The following RPTOR variants were observed in gnomAD, a reference collection of about 807,000 sequenced individuals.
RPTOR encodes the protein regulatory associated protein of MTOR complex 1, also known as regulatory-associated protein of mTOR.
RPTOR carries 21 observed loss-of-function variants against 169.9 expected under a neutral mutation model. That is an observed-to-expected ratio of 0.12 (90% CI 0.09 to 0.18). The LOEUF (loss-of-function observed/expected upper bound fraction) is 0.18, where lower values mean the gene tolerates loss of function less well. Ranked by LOEUF, RPTOR falls within the 10% of genes least tolerant of loss-of-function variation. The pLI is 1.00. For synonymous variants in RPTOR, 732 were observed against 753.2 expected (o/e 0.97, Z 0.46); for missense variants, 1,133 against 1,855.9 (o/e 0.61, Z 7.16).
intron 10 of RPTOR, among the ~76,000 whole-genome samples, chr17:80,842,333 A>ATTT (rs34731564): frequency 8.9e-4 from 134 of 150,040 alleles, no homozygotes; most frequent in African/African-American, 3.1e-3. Context: ...TTGATTACTG[A>ATTT]TTTTTTTTTT....
At chr17:80,740,460 G>A (rs751473538) in intron 5 of RPTOR, among the ~76,000 whole-genome samples, 8 of 151,846 alleles carry the variant, frequency 5.3e-5, no homozygotes, top group East Asian at 3.8e-4. Flanking sequence ...CAGACACACC[G>A]TTCAAAAAAA....
At chr17:80,791,174 C>G (rs992173944) in intron 6 of RPTOR, among the ~76,000 whole-genome samples, 2 of 152,192 alleles carry the variant, frequency 1.3e-5, no homozygotes, top group African/African-American at 4.8e-5. Flanking sequence ...TCTCGGCGCT[C>G]CTCTCCAGGG....
At chr17:80,585,494 G>A (rs1401262911) in intron 1 of RPTOR, among the ~76,000 whole-genome samples, 3 of 150,498 alleles carry the variant, frequency 2.0e-5, no homozygotes, top group Non-Finnish European at 3.0e-5. Flanking sequence ...GTGAGCCACC[G>A]CGGCTGGCCG....
chr17:80,650,940 C>T (rs1480990433), intron 3 of RPTOR, among the ~76,000 whole-genome samples: 1 of 152,226 alleles, frequency 6.6e-6, no homozygotes, highest in Non-Finnish European at 1.5e-5. Context: ...TTAACTCTGT[C>T]CTTAACAGGC....
chr17:80,626,715 A>T (rs1599612624), intron 2 of RPTOR, among the ~76,000 whole-genome samples: 1 of 141,870 alleles, frequency 7.0e-6, no homozygotes. Context: ...AAGTCCAGAG[A>T]CTGTTTTTTT....
intron 33 of RPTOR, among the ~76,000 whole-genome samples, chr17:80,963,406 C>T (rs545603318): frequency 2.1e-5 from 3 of 144,542 alleles, no homozygotes; most frequent in Non-Finnish European, 3.1e-5. Flanking sequence ...GTCCCCTGTG[C>T]GGCCCTCACC....
intron 4 of RPTOR, among the ~76,000 whole-genome samples, chr17:80,715,714 C>CT (rs1354754530): frequency 7.8e-3 from 1 of 128 alleles, no homozygotes; most frequent in Non-Finnish European, 0.016. Context: ...TTATCCCTCG[C>CT]CCCCTCCCAC....
At chr17:80,742,018 G>A (rs891245101) in intron 5 of RPTOR, among the ~76,000 whole-genome samples, 4 of 152,184 alleles carry the variant, frequency 2.6e-5, no homozygotes, top group African/African-American at 9.7e-5. Flanking sequence ...CACACGAGGA[G>A]GACTGAGGAT....
intron 3 of RPTOR, among the ~76,000 whole-genome samples, chr17:80,701,950 A>G (rs537303028): frequency 2.0e-5 from 3 of 152,136 alleles, no homozygotes; most frequent in East Asian, 3.9e-4. Flanking sequence ...GCTTCACCAG[A>G]GCTTCTAGCG....
At chr17:80,796,234 A>C (rs2067100145) in intron 7 of RPTOR, among the ~76,000 whole-genome samples, 1 of 152,218 alleles carries the variant, frequency 6.6e-6, no homozygotes, top group Admixed American at 6.5e-5. Flanking sequence ...GATTAATATT[A>C]ACTCACACGG....
intron 7 of RPTOR, among the ~76,000 whole-genome samples, chr17:80,798,402 T>G (rs1211325756): frequency 6.6e-6 from 1 of 152,090 alleles, no homozygotes; most frequent in Non-Finnish European, 1.5e-5. Flanking sequence ...GCACAAAACC[T>G]TTTGAGTTTT....
intron 20 of RPTOR, among the ~76,000 whole-genome samples, chr17:80,900,571 C>T (rs1251694403): frequency 1.3e-5 from 2 of 152,244 alleles, no homozygotes; most frequent in Non-Finnish European, 2.9e-5. Flanking sequence ...GCGCCTCAGC[C>T]TCCCAAAGTG....
chr17:80,556,070 G>A (rs1433731994), intron 1 of RPTOR, among the ~76,000 whole-genome samples: 1 of 149,234 alleles, frequency 6.7e-6, no homozygotes, highest in African/African-American at 2.5e-5. Flanking sequence ...TGGTTCCCGA[G>A]ACTCACATGA....
rs1599632488 is a variant in RPTOR, at chr17:80,646,947, C to T, written c.348+3137C>T. Among the ~76,000 whole-genome samples the T allele has an allele frequency of 6.6e-6, 1 of 152,216 alleles. No individual in the cohort carries two copies. Reference sequence around the variant, plus strand: ...GTGCAGAAAGCCAACCCCGGAACCCCCGTCGGCTGCACCAGAATGGTGTCT... The same window carrying T: ...GTGCAGAAAGCCAACCCCGGAACCCTCGTCGGCTGCACCAGAATGGTGTCT... On this transcript the variant is annotated intron_variant, in intron 3 of 33. Transcript: ENST00000306801. The surrounding 1 kb of genome is among the most constrained non-coding windows in gnomAD (Gnocchi z 5.0).
At chr17:80,851,224 G>A (rs527706802) in intron 11 of RPTOR, among the ~76,000 whole-genome samples, 8 of 152,206 alleles carry the variant, frequency 5.3e-5, no homozygotes, top group Admixed American at 1.3e-4. Flanking sequence ...CCTCTATGCC[G>A]GCCACCATGA....
intron 29 of RPTOR, among the ~76,000 whole-genome samples, chr17:80,958,257 ATTT>A (rs1412742596): frequency 1.4e-5 from 2 of 147,354 alleles, no homozygotes; most frequent in Non-Finnish European, 3.0e-5. Flanking sequence ...CGCCTGGCTA[ATTT>A]TTTTAACTTT....
chr17:80,794,471 G>A (rs910678158), intron 7 of RPTOR, among the ~76,000 whole-genome samples: 1 of 152,206 alleles, frequency 6.6e-6, no homozygotes, highest in African/African-American at 2.4e-5. Flanking sequence ...TGCTGGGAAT[G>A]CAGAATGGTG....
intron 32 of RPTOR, 111 bp downstream of exon 32, chr17:80,962,688 A>T: frequency 8.8e-7 from 1 of 1,131,638 alleles, no homozygotes; most frequent in Non-Finnish European, 1.3e-6. Flanking sequence ...GCAGGGGAGG[A>T]TTTCACTGCT....
intron 17 of RPTOR, among the ~76,000 whole-genome samples, chr17:80,889,009 C>T (rs2068283388): frequency 6.6e-6 from 1 of 152,286 alleles, no homozygotes; most frequent in Non-Finnish European, 1.5e-5. Flanking sequence ...CAGCCAGGCA[C>T]AAGCCTTGTC....
Sources: gnomAD v4.1 joint callset for allele counts (sites outside exome capture counted in the v4.1 genomes callset) on GRCh38, gnomAD v4.1.1 for gene constraint, Gnocchi (gnomAD v3.1) non-coding constraint, MANE v1.5 for transcripts, NCBI Gene and HGNC (gene_info 2026-07-23, HGNC 2026-07-21) for gene names.